Variants in DGKE observed in about 807,000 individuals in gnomAD.
DGKE encodes DAG kinase epsilon.
DGKE carries 53 observed loss-of-function variants against 70.0 expected under a neutral mutation model. That is an observed-to-expected ratio of 0.76 (90% CI 0.61 to 0.95). DGKE has a LOEUF of 0.95. Ranked by LOEUF, DGKE falls within the 40% of genes least tolerant of loss-of-function variation. DGKE has a pLI of 0.00. For missense variants in DGKE, 655 were observed against 706.9 expected, an observed-to-expected ratio of 0.93 and a Z score of 0.83; for synonymous variants, 291 against 257.0, an observed-to-expected ratio of 1.13 and a Z score of -1.27.
intron 9 of DGKE, among the ~76,000 whole-genome samples, chr17:56,859,925 G>A (rs1044844457): frequency 3.9e-5 from 6 of 152,188 alleles, no homozygotes; most frequent in Admixed American, 1.3e-4. Flanking sequence ...GCCGTTAGGC[G>A]TAATGTTTAG....
intron 2 of DGKE, chr17:56,835,788 C>T (rs555603320): frequency 2.1e-3 from 329 of 156,212 alleles, no homozygotes; most frequent in African/African-American, 7.4e-3. Context: ...AGGAATATTC[C>T]TTTTGACGCT....
Position 56,844,016 on chromosome 17 carries a change from C to T in DGKE, c.465-3C>T, listed in dbSNP as rs375726408. The T allele has an allele frequency of 4.1e-4, 623 of 1,537,696 alleles. 3 individuals are homozygous for T. The African/African-American group carries it at 4.5e-3, about 11-fold the overall frequency. On this transcript the variant is annotated splice_polypyrimidine_tract_variant and splice_region_variant and intron_variant, in intron 2 of 11. Coordinates refer to ENST00000284061, the MANE Select transcript of DGKE (RefSeq NM_003647.3). The stretch of plus-strand genomic sequence containing the variant: ...GTTAATGCTTGTTTCTTCCTTCCCT[C>T]AGGTGCATTTGGTGCCAGAAAACAG...
In DGKE at chr17:56,869,251, A is replaced by G. The variant is rs2144322817; in HGVS notation, c.*6460A>G. On this transcript the variant is annotated 3_prime_UTR_variant, in exon 12 of 12. Coordinates refer to ENST00000284061, the MANE Select transcript of DGKE (RefSeq NM_003647.3). ...TAGAAAAGACAGAAGTTTAGAGTAT[A>G]TGAAATCTAATTTTTAAGTATTGGT... The G allele has an allele frequency of 6.6e-6, 1 of 152,296 alleles. No homozygotes were observed. The allele number at this position is 152,296 out of a possible 1,614,324, so 9.4% of individuals were successfully genotyped here. A position where few individuals can be genotyped will look rare whatever the true frequency, so the allele number is the denominator to read the frequency against.
chr17:56,843,998 C>G, intron 2 of DGKE, 21 bp from the exon 3 acceptor site: 1 of 1,528,384 alleles, frequency 6.5e-7, no homozygotes, highest in Admixed American at 2.5e-5. Flanking sequence ...TTAGTTAATG[C>G]TTGTTTCTTC....
intron 2 of DGKE, among the ~76,000 whole-genome samples, chr17:56,843,186 C>A (rs187480112): frequency 2.0e-5 from 3 of 152,148 alleles, no homozygotes; most frequent in East Asian, 3.9e-4. Flanking sequence ...TTATGTGGAT[C>A]ATATCTATTG....
chr17:56,855,641 A>C (rs1907897093), intron 7 of DGKE, among the ~76,000 whole-genome samples: 1 of 152,190 alleles, frequency 6.6e-6, no homozygotes, highest in Non-Finnish European at 1.5e-5. Context: ...TCATAATTAT[A>C]AGATTCTTAC....
Position 56,845,819 on chromosome 17 carries a change from GAA to G in DGKE, c.744+16_744+17del, listed in dbSNP as rs561537916. The G allele has an allele frequency of 6.4e-7, 1 of 1,559,678 alleles. No homozygotes were observed. On this transcript the variant is annotated intron_variant, in intron 4 of 11. Coordinates refer to ENST00000284061, the MANE Select transcript of DGKE (RefSeq NM_003647.3). ...GTTGAATCCAGTCCAGGTAACTAAA[GAA>G]AAAAACTTTTTATATTAATGTTTTC...
At position 56,857,891 on chromosome 17, in the gene DGKE, G is replaced by T. The variant is rs190028937; in HGVS notation, c.1213-703G>T. Among the ~76,000 whole-genome samples the T allele has an allele frequency of 1.3e-3, 196 of 152,024 alleles. 1 individual carries two copies. Among genetic ancestry groups the T allele is most frequent in the African/African-American group, 4.5e-3 (185 of 41,470 alleles). ...AGATGGAGACCATCCTGGCCAACAT[G>T]GTGAAACCCCATCTCTACTAAAAAT... is the stretch of plus-strand genomic sequence containing the variant. On this transcript the variant is annotated intron_variant, in intron 8 of 11. Coordinates refer to ENST00000284061, the MANE Select transcript of DGKE (RefSeq NM_003647.3).
chr17:56,848,191 A>G (rs1437488785), intron 5 of DGKE, 126 bp downstream of exon 5: 1 of 569,926 alleles, frequency 1.8e-6, no homozygotes, highest in East Asian at 6.1e-5. Context: ...ACAGTCTCGC[A>G]CTGTCACCCA....
intron 3 of DGKE, 152 bp from the exon 4 acceptor site, chr17:56,845,538 A>G (rs778012502): frequency 3.4e-5 from 26 of 770,444 alleles, no homozygotes; most frequent in Non-Finnish European, 4.8e-5. Flanking sequence ...GTTCCCTTCC[A>G]TTCTTAGAAT....
intron 4 of DGKE, 47 bp downstream of exon 4, chr17:56,845,856 A>G: frequency 6.5e-7 from 1 of 1,530,926 alleles, no homozygotes; most frequent in Non-Finnish European, 8.8e-7. Context: ...CATTTTCCCC[A>G]AAATGCAATG....
intron 7 of DGKE, among the ~76,000 whole-genome samples, chr17:56,851,557 A>C (rs915477696): frequency 5.9e-5 from 9 of 152,216 alleles, no homozygotes; most frequent in African/African-American, 2.2e-4. Flanking sequence ...CTTATACCCT[A>C]GCAAGAGCTG....
intron 2 of DGKE, among the ~76,000 whole-genome samples, chr17:56,837,562 T>C (rs1487189818): frequency 6.6e-6 from 1 of 152,246 alleles, no homozygotes; most frequent in African/African-American, 2.4e-5. Flanking sequence ...TATTCTACAG[T>C]GTTCTGAACT....
At chr17:56,836,240 G>T (rs1906611615) in intron 2 of DGKE, 1 of 151,976 alleles carries the variant, frequency 6.6e-6, no homozygotes, top group South Asian at 2.1e-4. Flanking sequence ...TCTTTCATTA[G>T]CATGAACGCT....
intron 9 of DGKE, among the ~76,000 whole-genome samples, chr17:56,861,048 A>G (rs1908259517): frequency 6.6e-6 from 1 of 152,248 alleles, no homozygotes; most frequent in Non-Finnish European, 1.5e-5. Flanking sequence ...GTAAAGCTAG[A>G]GGCAGATAGG....
At chr17:56,837,939 A>G (rs1906729129) in intron 2 of DGKE, among the ~76,000 whole-genome samples, 1 of 151,924 alleles carries the variant, frequency 6.6e-6, no homozygotes, top group South Asian at 2.1e-4. Context: ...TTGTCTGTAG[A>G]TTTTTTCTTT....
Position 56,869,459 on chromosome 17 carries a change from A to G in DGKE, c.*6668A>G, listed in dbSNP as rs1908663277. On this transcript the variant is annotated 3_prime_UTR_variant, in exon 12 of 12. Transcript: ENST00000284061. The stretch of plus-strand genomic sequence containing the variant: ...CTGTGGCATGTAACATCTTTTATTC[A>G]TTTTATTAGGCATTAGAGGAAGAAT... 1.3e-5 allele frequency: 2 copies of G among 152,160 alleles called. No homozygotes were observed. Among genetic ancestry groups the G allele is most frequent in the Admixed American group, 6.5e-5 (1 of 15,272 alleles). 9.4% of individuals were successfully genotyped at this position (152,160 alleles called of 1,614,324 possible). A position where few individuals can be genotyped will look rare whatever the true frequency, so the allele number is the denominator to read the frequency against.
At chr17:56,856,384 C>T (rs1008276028) in intron 7 of DGKE, 128 bp from the exon 8 acceptor site, 33 of 1,026,418 alleles carry the variant, frequency 3.2e-5, no homozygotes, top group Non-Finnish European at 4.5e-5. Flanking sequence ...ATAAAATAGC[C>T]ATGTGAAAAG....
rs1963340641 is a variant in DGKE at position 56,864,981 on chromosome 17, T to A, written c.*2190T>A. Reference sequence around the variant, plus strand: ...TTTTTGCATCACTACTGGTCTGTCATGAAGTTTTTCTGCTGGCTTATTCAC... The same window carrying A: ...TTTTTGCATCACTACTGGTCTGTCAAGAAGTTTTTCTGCTGGCTTATTCAC... On this transcript the variant is annotated 3_prime_UTR_variant, in exon 12 of 12. Transcript: ENST00000284061. The A allele has an allele frequency of 6.6e-6, 1 of 152,172 alleles. No individual in the cohort carries two copies. The highest frequency in any genetic ancestry group is 2.4e-5 in the African/African-American group (1 of 41,456). The allele number at this position is 152,172 out of a possible 1,614,324, so 9.4% of individuals were successfully genotyped here.
Sources: allele counts gnomAD v4.1 joint callset (sites outside exome capture counted in the v4.1 genomes callset), GRCh38; gene constraint gnomAD v4.1.1; transcripts MANE v1.5; gene names NCBI Gene and HGNC (gene_info 2026-07-23, HGNC 2026-07-21).